Variants in DLC1 observed in about 807,000 individuals in gnomAD.
DLC1 encodes the protein DLC1 Rho GTPase activating protein.
Under a neutral mutation model 140.3 loss-of-function variants are expected in DLC1, and 54 were observed. The observed-to-expected ratio is 0.38, with a 90% CI of 0.31 to 0.48. The LOEUF is 0.48. Ranked by LOEUF, DLC1 falls within the 20% of genes least tolerant of loss-of-function variation. The probability of loss-of-function intolerance (pLI) is 0.96; values close to 1 mark genes in which losing one functional copy is unlikely to be tolerated. For missense variants in DLC1, 2,536 were observed against 1,907.0 expected (o/e 1.33, Z -6.14); for synonymous variants, 986 against 728.1 (o/e 1.35, Z -5.70).
At chr8:13,297,155 A>G (rs1446832998) in intron 5 of DLC1, among the ~76,000 whole-genome samples, 1 of 151,294 alleles carries the variant, frequency 6.6e-6, no homozygotes, top group Non-Finnish European at 1.5e-5. Flanking sequence ...TCAACAGCCC[A>G]GTCAACCACA....
At chr8:13,565,528 G>T (rs145235373) in intron 1 of DLC1, among the ~76,000 whole-genome samples, 1 of 152,208 alleles carries the variant, frequency 6.6e-6, no homozygotes, top group East Asian at 1.9e-4. Flanking sequence ...ATAAAATTTG[G>T]GTTGAATAAA....
At chr8:13,089,294 T>G (rs116740598) in intron 15 of DLC1, among the ~76,000 whole-genome samples, 74,003 of 151,308 alleles carry the variant, frequency 0.49, 19,754 homozygotes, top group African/African-American at 0.68. Context: ...ATTTGTTTTT[T>G]TTTTTCTGGG....
chr8:13,169,425 T>C (rs1032206986), intron 5 of DLC1, among the ~76,000 whole-genome samples: 1 of 152,252 alleles, frequency 6.6e-6, no homozygotes, highest in Non-Finnish European at 1.5e-5. Flanking sequence ...TAAGGTTTTA[T>C]CATTTGTAAC....
intron 5 of DLC1, among the ~76,000 whole-genome samples, chr8:13,245,933 C>T (rs1298343663): frequency 1.3e-5 from 2 of 152,062 alleles, no homozygotes; most frequent in East Asian, 3.9e-4. Flanking sequence ...AACTCCTGAC[C>T]TCAAGTGATT....
chr8:13,490,536 T>A (rs1037769609), intron 2 of DLC1, among the ~76,000 whole-genome samples: 3 of 152,184 alleles, frequency 2.0e-5, no homozygotes, highest in Non-Finnish European at 4.4e-5. Flanking sequence ...GGCAGGACTC[T>A]GTTACATAGG....
chr8:13,452,373 C>T (rs937747728), intron 2 of DLC1, among the ~76,000 whole-genome samples: 15 of 151,974 alleles, frequency 9.9e-5, no homozygotes, highest in African/African-American at 3.6e-4. Context: ...AAAAAAGTAA[C>T]TCAATTTATG....
In DLC1 at chr8:13,322,341, T is replaced by C. The variant is rs191907583; in HGVS notation, c.1315-17039A>G. ...TTTTAGTTACTTGTTTGAAAGCTTCTAACTCTATTTAAAGTACAAGTATGT... is the reference window on the plus strand; with the variant it reads ...TTTTAGTTACTTGTTTGAAAGCTTCCAACTCTATTTAAAGTACAAGTATGT... On this transcript the variant is annotated intron_variant, in intron 4 of 17. Coordinates refer to ENST00000276297, the MANE Select transcript of DLC1 (RefSeq NM_182643.3). 5.2e-3 allele frequency among the ~76,000 whole-genome samples: 787 copies of C among 152,306 alleles called. 5 individuals carry two copies. Among genetic ancestry groups the C allele is most frequent in the Middle Eastern group, 0.01 (3 of 292 alleles).
At chr8:13,243,116 C>CGTGG (rs879890816) in intron 5 of DLC1, among the ~76,000 whole-genome samples, 4,114 of 151,906 alleles carry the variant, frequency 0.027, 180 homozygotes, top group African/African-American at 0.094. Flanking sequence ...ATGGCAAAAA[C>CGTGG]CCATCTCTAC....
chr8:13,256,227 T>C (rs921117657), intron 5 of DLC1, among the ~76,000 whole-genome samples: 1 of 152,228 alleles, frequency 6.6e-6, no homozygotes, highest in Non-Finnish European at 1.5e-5. Flanking sequence ...CAGTAGTTGT[T>C]ACTACGTAAC....
At chr8:13,337,985 A>T (rs1833878200) in intron 4 of DLC1, among the ~76,000 whole-genome samples, 1 of 152,160 alleles carries the variant, frequency 6.6e-6, no homozygotes, top group Non-Finnish European at 1.5e-5. Flanking sequence ...TCATACGTTG[A>T]GTAGTATACT....
At chr8:13,179,895 G>A (rs946770488) in intron 5 of DLC1, among the ~76,000 whole-genome samples, 4 of 152,062 alleles carry the variant, frequency 2.6e-5, no homozygotes, top group Admixed American at 6.6e-5. Context: ...AAGGAATGAG[G>A]GAAATTAATC....
intron 2 of DLC1, among the ~76,000 whole-genome samples, chr8:13,422,268 G>T (rs745721603): frequency 6.6e-6 from 1 of 152,058 alleles, no homozygotes; most frequent in Non-Finnish European, 1.5e-5. Context: ...AGACAATACA[G>T]TATTACTGTT....
At chr8:13,248,235 G>C (rs1829846187) in intron 5 of DLC1, among the ~76,000 whole-genome samples, 1 of 152,092 alleles carries the variant, frequency 6.6e-6, no homozygotes, top group Non-Finnish European at 1.5e-5. Context: ...ATATTTAATT[G>C]ATAACACACT....
intron 1 of DLC1, among the ~76,000 whole-genome samples, chr8:13,526,245 A>G (rs983206215): frequency 6.6e-6 from 1 of 152,220 alleles, no homozygotes; most frequent in South Asian, 2.1e-4. Flanking sequence ...ACCAAGTATT[A>G]TAAGTATTCA....
At chr8:13,400,915 C>T (rs12114570) in intron 3 of DLC1, among the ~76,000 whole-genome samples, 59,194 of 151,956 alleles carry the variant, frequency 0.39, 12,620 homozygotes, top group Non-Finnish European at 0.48. Flanking sequence ...TTATGTAAAA[C>T]TGATGCATAA....
intron 1 of DLC1, among the ~76,000 whole-genome samples, chr8:13,539,205 A>G (rs1009946905): frequency 1.3e-5 from 2 of 151,744 alleles, no homozygotes; most frequent in African/African-American, 2.4e-5. Context: ...GTATGTATGT[A>G]TGTATTTATT....
chr8:13,602,365 T>C (rs1286299982), intron 1 of DLC1, among the ~76,000 whole-genome samples: 1 of 151,846 alleles, frequency 6.6e-6, no homozygotes. Context: ...AACTGTAAGA[T>C]GGTTATCCAC....
At chr8:13,419,279 C>A (rs1838205863) in intron 2 of DLC1, among the ~76,000 whole-genome samples, 1 of 151,806 alleles carries the variant, frequency 6.6e-6, no homozygotes, top group Admixed American at 6.6e-5. Flanking sequence ...GAGAGGGCAT[C>A]CCTGTCTTGT....
chr8:13,534,389 T>C (rs1206543173), intron 1 of DLC1, among the ~76,000 whole-genome samples: 4 of 152,194 alleles, frequency 2.6e-5, no homozygotes, highest in Non-Finnish European at 5.9e-5. Flanking sequence ...CCTCGCTAAC[T>C]GTAATTCAAT....
Sources: allele counts gnomAD v4.1 joint callset (sites outside exome capture counted in the v4.1 genomes callset), GRCh38; gene constraint gnomAD v4.1.1; transcripts MANE v1.5; gene names NCBI Gene and HGNC (gene_info 2026-07-23, HGNC 2026-07-21).